The following CCDC171 variants were observed in gnomAD, a reference collection of about 807,000 sequenced individuals.
CCDC171 encodes the protein coiled-coil domain-containing protein 171.
CCDC171 carries 177 observed loss-of-function variants against 168.2 expected under a neutral mutation model. The ratio of observed to expected loss-of-function variants is 1.05; its 90% CI spans 0.93 to 1.19. The LOEUF (loss-of-function observed/expected upper bound fraction) is 1.19, where lower values mean the gene tolerates loss of function less well. CCDC171 is among the 50% of genes most tolerant of loss of function. The pLI, the probability that CCDC171 is intolerant of heterozygous loss-of-function variation, is 0.00. For synonymous variants in CCDC171, 687 were observed against 540.8 expected, an observed-to-expected ratio of 1.27 and a Z score of -3.75; for missense variants, 1,991 against 1,539.0, an observed-to-expected ratio of 1.29 and a Z score of -4.91.
chr9:15,688,955 C>G (rs2050599664), intron 10 of CCDC171, among the ~76,000 whole-genome samples: 1 of 151,992 alleles, frequency 6.6e-6, no homozygotes, highest in African/African-American at 2.4e-5. Context: ...TTAGAAAATC[C>G]TAAGGAATCC....
At chr9:15,589,117 GA>G (rs1180454318) in intron 4 of CCDC171, among the ~76,000 whole-genome samples, 14 of 152,176 alleles carry the variant, frequency 9.2e-5, no homozygotes, top group Non-Finnish European at 1.8e-4. Flanking sequence ...TTGATGGGGG[GA>G]AAACACGTTT....
At chr9:15,900,844 G>A (rs1821534230) in intron 24 of CCDC171, among the ~76,000 whole-genome samples, 1 of 152,066 alleles carries the variant, frequency 6.6e-6, no homozygotes, top group African/African-American at 2.4e-5. Flanking sequence ...CATGGTTTTT[G>A]TTTCTGGGGA....
intron 23 of CCDC171, among the ~76,000 whole-genome samples, chr9:15,868,189 C>T (rs555302823): frequency 6.6e-6 from 1 of 151,982 alleles, no homozygotes; most frequent in Admixed American, 6.6e-5. Flanking sequence ...TGGCTTTGCT[C>T]CAGAGTTGTA....
At chr9:15,691,541 GTTTTTTATATATATATAT>G (rs1217632331) in intron 10 of CCDC171, among the ~76,000 whole-genome samples, 1 of 114,836 alleles carries the variant, frequency 8.7e-6, no homozygotes, top group Non-Finnish European at 1.7e-5. Flanking sequence ...GTAAATATAT[GTTTTTTATATATATATAT>G]ATATATATAT....
At chr9:15,822,505 A>T (rs955816740) in intron 21 of CCDC171, among the ~76,000 whole-genome samples, 5 of 151,998 alleles carry the variant, frequency 3.3e-5, no homozygotes, top group African/African-American at 1.2e-4. Context: ...ACAAACACCC[A>T]CATGAACAAG....
intron 25 of CCDC171, among the ~76,000 whole-genome samples, chr9:15,956,919 AAC>A (rs1405550550): frequency 6.6e-6 from 1 of 152,140 alleles, no homozygotes; most frequent in Non-Finnish European, 1.5e-5. Context: ...TGGAAAAATT[AAC>A]TATAAATTGG....
chr9:15,674,237 G>A (rs2049346739), intron 9 of CCDC171, among the ~76,000 whole-genome samples: 1 of 151,966 alleles, frequency 6.6e-6, no homozygotes, highest in Non-Finnish European at 1.5e-5. Flanking sequence ...GTGTCTATTT[G>A]ATTCTTCTCT....
chr9:15,801,978 A>T (rs2058849315), intron 21 of CCDC171, among the ~76,000 whole-genome samples: 1 of 152,066 alleles, frequency 6.6e-6, no homozygotes, highest in South Asian at 2.1e-4. Flanking sequence ...CCACTTGGTC[A>T]TGTTGAATGA....
At chr9:16,096,674 G>A in the CCDC171 span, among the ~76,000 whole-genome samples, 2 of 152,114 alleles carry the variant, frequency 1.3e-5, no homozygotes, top group Non-Finnish European at 2.9e-5. Flanking sequence ...TACTGCCTCT[G>A]TTCAGTGGGG....
At chr9:15,690,561 G>A (rs1230190563) in intron 10 of CCDC171, among the ~76,000 whole-genome samples, 5 of 152,162 alleles carry the variant, frequency 3.3e-5, no homozygotes, top group Admixed American at 2.6e-4. Context: ...AAATGAAAAA[G>A]CACTGGAAGA....
chr9:15,956,829 G>A (rs1020306973), intron 25 of CCDC171, among the ~76,000 whole-genome samples: 1 of 151,916 alleles, frequency 6.6e-6, no homozygotes, highest in Non-Finnish European at 1.5e-5. Context: ...AATGTGCGTC[G>A]ACCTTTCCGC....
Position 15,578,948 on chromosome 9 carries a change from A to G in CCDC171, c.277A>G (p.Lys93Glu), listed in dbSNP as rs368218660. Residue 93 changes from lysine to glutamate, a missense_variant, in exon 4 of 26, where the codon AAG (lysine) becomes GAG (glutamate). Lys to Glu is a moderately conservative substitution (Grantham distance 56, BLOSUM62 1). Coordinates refer to ENST00000380701, the MANE Select transcript of CCDC171 (RefSeq NM_173550.4). The stretch of plus-strand genomic sequence containing the variant: ...GGAATATGACCTAGCTGTTGCTAGA[A>G]AGGAAGCTGGTCTTGGAAGACGGGC... ...SLEYDLAVAR[K>E]EAGLGRRAAE... 1.1e-5 allele frequency: 17 copies of G among 1,613,946 alleles called. No homozygotes were observed. The highest frequency in any genetic ancestry group is 1.4e-5 in the Non-Finnish European group (16 of 1,179,946).
intron 18 of CCDC171, among the ~76,000 whole-genome samples, chr9:15,749,740 T>C (rs886378864): frequency 3.9e-5 from 6 of 151,990 alleles, no homozygotes; most frequent in African/African-American, 1.5e-4. Flanking sequence ...AATAACAAAA[T>C]GAAGGCAGAA....
intron 23 of CCDC171, among the ~76,000 whole-genome samples, chr9:15,868,175 G>A (rs762010408): frequency 1.3e-5 from 2 of 152,024 alleles, no homozygotes; most frequent in East Asian, 1.9e-4. Flanking sequence ...TCATGGGAGA[G>A]TTCTGGCTTT....
chr9:15,854,272 T>C (rs2061261970), intron 23 of CCDC171, among the ~76,000 whole-genome samples: 1 of 151,580 alleles, frequency 6.6e-6, no homozygotes, highest in Non-Finnish European at 1.5e-5. Context: ...GATTCATTCT[T>C]TTCTCGTTAT....
Position 15,746,153 on chromosome 9 carries a change from G to T in CCDC171, c.2671+522G>T, listed in dbSNP as rs1472885802. 2.0e-5 allele frequency among the ~76,000 whole-genome samples: 3 copies of T among 151,766 alleles called. No individual in the cohort carries two copies. In the East Asian group the frequency reaches 5.8e-4, roughly 29 times the overall value. On this transcript the variant is annotated intron_variant, in intron 18 of 25. Transcript: ENST00000380701. ...CAATTTACAAAAGTTTAAAATGCAA[G>T]TTTTTTTTTATGATTCGGATTGCAT...
At chr9:15,819,309 C>G (rs1403329970) in intron 21 of CCDC171, among the ~76,000 whole-genome samples, 1 of 117,462 alleles carries the variant, frequency 8.5e-6, no homozygotes, top group Non-Finnish European at 1.9e-5. Context: ...AACCAGCTAA[C>G]ATCATAATGA....
intron 3 of CCDC171, among the ~76,000 whole-genome samples, chr9:16,017,355 C>A (rs553000884): frequency 1.3e-5 from 2 of 152,106 alleles, no homozygotes; most frequent in South Asian, 4.2e-4. Flanking sequence ...TGTAAACATG[C>A]CTCTGTTACT....
rs569956986 is a variant in CCDC171, at chr9:15,643,996, C to T, written c.823-13131C>T. 1.2e-4 allele frequency among the ~76,000 whole-genome samples: 19 copies of T among 152,218 alleles called. No individual in the cohort carries two copies. In the South Asian group the frequency reaches 2.5e-3, roughly 20 times the overall value. Reference sequence around the variant, plus strand: ...TCATTGGTTGATGGACATTTGGGTGCATTCCATCTTTGGCTGTTATAAAAA... The same window carrying T: ...TCATTGGTTGATGGACATTTGGGTGTATTCCATCTTTGGCTGTTATAAAAA... On this transcript the variant is annotated intron_variant, in intron 7 of 25. Transcript: ENST00000380701.
Sources: allele counts gnomAD v4.1 joint callset (sites outside exome capture counted in the v4.1 genomes callset), GRCh38; gene constraint gnomAD v4.1.1; transcripts MANE v1.5; gene names NCBI Gene and HGNC (gene_info 2026-07-23, HGNC 2026-07-21).